Variants in PCTP observed in about 807,000 individuals in gnomAD.
The protein encoded by PCTP is phosphatidylcholine transfer protein.
Under a neutral mutation model 31.0 loss-of-function variants are expected in PCTP, and 27 were observed. That is an observed-to-expected ratio of 0.87 (90% confidence interval 0.64 to 1.20). The LOEUF (loss-of-function observed/expected upper bound fraction) is 1.20, where lower values mean the gene tolerates loss of function less well. Among genes scored for constraint, PCTP ranks in the 50% most tolerant of loss-of-function variants. PCTP has a pLI of 0.00. For synonymous variants in PCTP, 108 were observed against 101.2 expected (o/e 1.07, Z -0.40); for missense variants, 287 against 268.2 (o/e 1.07, Z -0.49).
downstream of PCTP, among the ~76,000 whole-genome samples, chr17:55,846,939 C>T (rs1312420636): frequency 6.6e-6 from 1 of 152,164 alleles, no homozygotes; most frequent in Non-Finnish European, 1.5e-5. Context: ...ATTCCCATTA[C>T]TTAGATTTTC....
In PCTP at chr17:55,777,335, A is replaced by G. The variant is rs1225429312; in HGVS notation, c.*1235A>G. On this transcript the variant is annotated 3_prime_UTR_variant, in exon 6 of 6. Coordinates refer to ENST00000268896, the MANE Select transcript of PCTP (RefSeq NM_021213.4). ...ACTGTTTGTTTTCTTTCTGGGAAGAAAAGTGTGTTCTATAATGAATAAATA... is the reference window on the plus strand; with the variant it reads ...ACTGTTTGTTTTCTTTCTGGGAAGAGAAGTGTGTTCTATAATGAATAAATA... 7 of 984,926 alleles carry G rather than the reference A, an allele frequency of 7.1e-6. No individual in the cohort carries two copies. Among genetic ancestry groups the G allele is most frequent in the Non-Finnish European group, 7.2e-6 (6 of 829,318 alleles). 61.0% of individuals were successfully genotyped at this position (984,926 alleles called of 1,614,324 possible).
intron 5 of PCTP, among the ~76,000 whole-genome samples, chr17:55,840,748 A>C (rs1905953161): frequency 6.6e-6 from 1 of 152,236 alleles, no homozygotes; most frequent in Non-Finnish European, 1.5e-5. Flanking sequence ...GTATAGAAAA[A>C]GAAACAAGAG....
At chr17:55,826,032 C>T (rs1035260839), downstream of PCTP, among the ~76,000 whole-genome samples, 8 of 152,140 alleles carry the variant, frequency 5.3e-5, no homozygotes, top group African/African-American at 1.9e-4. Flanking sequence ...ATGAGAAAAT[C>T]AAGAATCAGA....
chr17:55,809,865 G>T (rs1230333486), intron 3 of PCTP, among the ~76,000 whole-genome samples: 2 of 152,058 alleles, frequency 1.3e-5, no homozygotes, highest in African/African-American at 4.8e-5. Flanking sequence ...TTTGCATTTT[G>T]TGTGTGTGTT....
At position 55,754,098 on chromosome 17, in the gene PCTP, C is replaced by T. The variant is rs1002758381; in HGVS notation, c.141+2854C>T. Reference sequence around the variant, plus strand: ...TCTCTCCAAACACCAAGTAAGCAGTCAGTTTTGCGGTGGACGTCAGCTAGG... The same window carrying T: ...TCTCTCCAAACACCAAGTAAGCAGTTAGTTTTGCGGTGGACGTCAGCTAGG... On this transcript the variant is annotated intron_variant, in intron 1 of 5. Coordinates refer to ENST00000268896, the MANE Select transcript of PCTP (RefSeq NM_021213.4). Among the ~76,000 whole-genome samples, 6 of 152,322 alleles carry T rather than the reference C, an allele frequency of 3.9e-5. No homozygotes were observed. The South Asian group carries it at 1.2e-3, about 32-fold the overall frequency.
At chr17:55,786,049 G>A (rs925517447) in intron 2 of PCTP, among the ~76,000 whole-genome samples, 6 of 152,164 alleles carry the variant, frequency 3.9e-5, no homozygotes, top group East Asian at 1.9e-4. Context: ...TTGGGGGGCC[G>A]AGGCAGGCAG....
chr17:55,751,114 C>A lies in PCTP; in HGVS notation c.11C>A (p.Ala4Asp). Residue 4 changes from alanine (A) to aspartate (D), a missense_variant, in exon 1 of 6, where the codon GCC becomes GAC. Coordinates refer to ENST00000268896, the MANE Select transcript of PCTP (RefSeq NM_021213.4). MEL[A>D]AGSFSEEQFW... is the part of the protein sequence containing the mutation. ...CCGGACTGCGGAAGGATGGAGCTGG[C>A]CGCCGGAAGCTTCTCGGAGGAGCAG... The A allele has an allele frequency of 3.2e-6, 5 of 1,540,116 alleles. No homozygotes were observed. The highest frequency in any genetic ancestry group is 4.4e-6 in the Non-Finnish European group (5 of 1,143,194).
chr17:55,795,379 G>A (rs1912150996), intron 3 of PCTP, among the ~76,000 whole-genome samples: 1 of 151,992 alleles, frequency 6.6e-6, no homozygotes, highest in African/African-American at 2.4e-5. Context: ...TAGAGCATGT[G>A]GGGCTCTATT....
intron 5 of PCTP, among the ~76,000 whole-genome samples, chr17:55,828,781 C>T (rs765077270): frequency 2.0e-5 from 3 of 152,120 alleles, no homozygotes; most frequent in Admixed American, 6.6e-5. Context: ...AAGATGAGAG[C>T]GTGCAGCAGT....
At chr17:55,824,697 C>A (rs906567444), downstream of PCTP, among the ~76,000 whole-genome samples, 2 of 152,120 alleles carry the variant, frequency 1.3e-5, no homozygotes, top group Non-Finnish European at 2.9e-5. Flanking sequence ...CCTTGCAGAA[C>A]AAATTTAGCC....
chr17:55,764,839 C>T (rs1291543522), intron 1 of PCTP, among the ~76,000 whole-genome samples: 1 of 152,182 alleles, frequency 6.6e-6, no homozygotes, highest in Non-Finnish European at 1.5e-5. Flanking sequence ...AAGAGTTCAT[C>T]CAAAAGTTTA....
At chr17:55,806,060 A>G (rs1325142432) in intron 3 of PCTP, among the ~76,000 whole-genome samples, 4 of 152,118 alleles carry the variant, frequency 2.6e-5, no homozygotes, top group Non-Finnish European at 5.9e-5. Flanking sequence ...AAAGATAAAT[A>G]ACTTGCCAAG....
intron 1 of PCTP, among the ~76,000 whole-genome samples, chr17:55,755,889 C>T (rs1475754244): frequency 1.3e-5 from 2 of 152,158 alleles, no homozygotes; most frequent in Admixed American, 6.5e-5. Context: ...AGTTGTTGAG[C>T]GAGCCACATG....
downstream of PCTP, among the ~76,000 whole-genome samples, chr17:55,777,785 A>G (rs544584908): frequency 6.6e-6 from 1 of 152,238 alleles, no homozygotes; most frequent in African/African-American, 2.4e-5. Flanking sequence ...GAATTATACA[A>G]GTAAGTGAAT....
rs1298121590 is a variant in PCTP at position 55,767,358 on chromosome 17, A to C, written c.165A>C (p.Lys55Asn). ...AGAAGACTGGACTTTATGAGTATAA[A>C]GTCTTTGGTGTTCTGGAGGACTGCT... ...LDKKTGLYEY[K>N]VFGVLEDCSP... The change falls in exon 2 of 6, where the codon AAA (lysine) becomes AAC (asparagine). Residue 55 changes from lysine (K) to asparagine (N), a missense_variant. Physicochemically the swap from Lys to Asn is moderately conservative, Grantham distance 94. Coordinates refer to ENST00000268896, the MANE Select transcript of PCTP (RefSeq NM_021213.4). The C allele has an allele frequency of 6.2e-7, 1 of 1,611,800 alleles. No individual in the cohort carries two copies. Among genetic ancestry groups the C allele is most frequent in the Non-Finnish European group, 8.5e-7 (1 of 1,178,152 alleles).
At chr17:55,770,251 G>C (rs1320531042) in intron 2 of PCTP, 1 of 152,194 alleles carries the variant, frequency 6.6e-6, no homozygotes, top group East Asian at 1.9e-4. Context: ...AAAGAAACAT[G>C]GGAGAGAAGA....
Position 55,776,319 on chromosome 17 carries a change from T to G in PCTP, c.*219T>G. 3 of 1,361,732 alleles carry G rather than the reference T, an allele frequency of 2.2e-6. No homozygotes were observed. The highest frequency in any genetic ancestry group is 2.8e-6 in the Non-Finnish European group (3 of 1,060,906). 84.4% of individuals were successfully genotyped at this position (1,361,732 alleles called of 1,614,324 possible). ...CCTGACATCCAGCTCACTCGTCTGC[T>G]TCCTTTCTCGCTCCCCCCATCCTGG... On this transcript the variant is annotated 3_prime_UTR_variant, in exon 6 of 6. Coordinates refer to ENST00000268896, the MANE Select transcript of PCTP (RefSeq NM_021213.4).
In PCTP at chr17:55,776,543, C is replaced by T. The variant is rs189666902; in HGVS notation, c.*443C>T. On this transcript the variant is annotated 3_prime_UTR_variant, in exon 6 of 6. Coordinates refer to ENST00000268896, the MANE Select transcript of PCTP (RefSeq NM_021213.4). ...CTGGCTCTTTTGCAGCTTGTGATTT[C>T]TTCCAGCTTGGGAGGGGCTGCTGGA... 3 of 1,232,160 alleles carry T rather than the reference C, an allele frequency of 2.4e-6. No individual in the cohort carries two copies. The highest frequency in any genetic ancestry group is 3.0e-6 in the Non-Finnish European group (3 of 988,366). 76.3% of individuals were successfully genotyped at this position (1,232,160 alleles called of 1,614,324 possible).
intron 1 of PCTP, among the ~76,000 whole-genome samples, chr17:55,763,113 T>C (rs1022752228): frequency 2.6e-5 from 4 of 152,178 alleles, no homozygotes; most frequent in Non-Finnish European, 5.9e-5. Flanking sequence ...GTAAGCTTCT[T>C]TGGAGTCATT....
Sources: allele counts gnomAD v4.1 joint callset (sites outside exome capture counted in the v4.1 genomes callset), GRCh38; gene constraint gnomAD v4.1.1; transcripts MANE v1.5; gene names NCBI Gene and HGNC (gene_info 2026-07-23, HGNC 2026-07-21).